The following ROBO2 variants were observed in gnomAD, a reference collection of about 807,000 sequenced individuals.
ROBO2 encodes the protein roundabout homolog 2.
Under a neutral mutation model 160.8 loss-of-function variants are expected in ROBO2, and 53 were observed. That is an observed-to-expected ratio of 0.33 (90% CI 0.26 to 0.41). The LOEUF (loss-of-function observed/expected upper bound fraction) is 0.41, where lower values mean the gene tolerates loss of function less well. Among genes scored for constraint, ROBO2 ranks in the 10% least tolerant of loss-of-function variants. The pLI, the probability that ROBO2 is intolerant of heterozygous loss-of-function variation, is 1.00. For missense variants in ROBO2, 1,577 were observed against 1,722.4 expected (o/e 0.92, Z 1.49); for synonymous variants, 664 against 611.7 (o/e 1.09, Z -1.26).
At chr3:75,974,314 A>G (rs1283131154) in intron 2 of ROBO2, among the ~76,000 whole-genome samples, 2 of 151,664 alleles carry the variant, frequency 1.3e-5, no homozygotes, top group African/African-American at 2.4e-5. Flanking sequence ...ATAAATTCAG[A>G]TAAGTATTAA....
chr3:76,004,923 ATCCAATGAAACACTGT>A (rs1430208312), intron 2 of ROBO2, among the ~76,000 whole-genome samples: 1 of 152,202 alleles, frequency 6.6e-6, no homozygotes, highest in Non-Finnish European at 1.5e-5. Flanking sequence ...TTGAAACATC[ATCCAATGAAACACTGT>A]TGGGAGGTGG....
chr3:77,204,435 T>C (rs2083220828), intron 2 of ROBO2, among the ~76,000 whole-genome samples: 1 of 152,234 alleles, frequency 6.6e-6, no homozygotes, highest in African/African-American at 2.4e-5. Context: ...CAGCTTTTTT[T>C]GTCCCTCAAC....
At chr3:77,331,694 C>CTTAT (rs34762129) in intron 2 of ROBO2, among the ~76,000 whole-genome samples, 84,758 of 150,132 alleles carry the variant, frequency 0.56, 25,998 homozygotes, top group Non-Finnish European at 0.7. Context: ...TATTTATTTA[C>CTTAT]TTATTTATTT....
intron 2 of ROBO2, among the ~76,000 whole-genome samples, chr3:76,418,047 T>C (rs956481297): frequency 2.0e-5 from 3 of 151,920 alleles, no homozygotes; most frequent in Admixed American, 2.0e-4. Context: ...AAAATAACCT[T>C]AACTTTGCTT....
chr3:77,169,211 A>G (rs1560153591), intron 2 of ROBO2, among the ~76,000 whole-genome samples: 1 of 152,216 alleles, frequency 6.6e-6, no homozygotes, highest in Non-Finnish European at 1.5e-5. Flanking sequence ...GCTGTTACAG[A>G]TAAAGTGATT....
At chr3:76,345,877 AC>A (rs1246811815) in intron 2 of ROBO2, among the ~76,000 whole-genome samples, 1 of 151,766 alleles carries the variant, frequency 6.6e-6, no homozygotes, top group African/African-American at 2.4e-5. Flanking sequence ...AGCGTACCAA[AC>A]TCCAAGTTTG....
Position 76,635,688 on chromosome 3 carries a change from TAGAG to T in ROBO2, c.110-462324_110-462321del, listed in dbSNP as rs147225038. 4.7e-4 allele frequency among the ~76,000 whole-genome samples: 71 copies of T among 152,364 alleles called. No homozygotes were observed. The East Asian group carries it at 0.01, about 22-fold the overall frequency. ...AAGCTACTTTTCATCTTCTATATGATAGAGATTTTCAAAACCTCCAATGCGAGTG... is the reference window on the plus strand; with the variant it reads ...AAGCTACTTTTCATCTTCTATATGATATTTTCAAAACCTCCAATGCGAGTG... On this transcript the variant is annotated intron_variant, in intron 2 of 26. Transcript: ENST00000487694.
At chr3:76,091,145 AG>A (rs1350284144) in intron 2 of ROBO2, among the ~76,000 whole-genome samples, 1 of 152,178 alleles carries the variant, frequency 6.6e-6, no homozygotes, top group Non-Finnish European at 1.5e-5. Context: ...CACCATGAAG[AG>A]GAGAAGATAA....
intron 2 of ROBO2, among the ~76,000 whole-genome samples, chr3:77,117,819 C>A (rs1392606641): frequency 3.3e-5 from 5 of 152,048 alleles, no homozygotes; most frequent in Admixed American, 6.6e-5. Context: ...TTCTGATGAG[C>A]CTACATTTAA....
At chr3:76,648,761 A>G (rs1007660768) in intron 2 of ROBO2, among the ~76,000 whole-genome samples, 1 of 152,166 alleles carries the variant, frequency 6.6e-6, no homozygotes. Context: ...GAAATATTTC[A>G]AAATTTAAAA....
intron 2 of ROBO2, among the ~76,000 whole-genome samples, chr3:76,271,161 TTGAA>T (rs1330684314): frequency 1.3e-5 from 2 of 151,960 alleles, no homozygotes; most frequent in Non-Finnish European, 2.9e-5. Context: ...AACCAATCAT[TTGAA>T]TACAAACAAA....
chr3:77,047,880 A>G (rs1349441314), intron 1 of ROBO2, among the ~76,000 whole-genome samples: 4 of 151,478 alleles, frequency 2.6e-5, no homozygotes, highest in Non-Finnish European at 5.9e-5. Context: ...TGTCTCTACT[A>G]AAAATACAAA....
chr3:76,199,819 C>T (rs1052845965), intron 2 of ROBO2, among the ~76,000 whole-genome samples: 2 of 152,156 alleles, frequency 1.3e-5, no homozygotes, highest in Admixed American at 6.6e-5. Flanking sequence ...CTGCCTACAG[C>T]TTCTCTATGC....
At chr3:76,810,317 G>T (rs913018556) in intron 2 of ROBO2, among the ~76,000 whole-genome samples, 4 of 152,048 alleles carry the variant, frequency 2.6e-5, no homozygotes, top group African/African-American at 9.7e-5. Context: ...CACCCAGTTC[G>T]CCAACCCAAA....
rs149640189 is a variant in ROBO2 at position 76,561,277 on chromosome 3, TAAAG to T, written c.110-536735_110-536732del. On this transcript the variant is annotated intron_variant, in intron 2 of 26. Coordinates refer to the ROBO2 transcript ENST00000487694. The stretch of plus-strand genomic sequence containing the variant: ...TACTCAATGAGAAATTAAATTTACT[TAAAG>T]AGAGGACGAGAGGAGGAAGCAGTCA... Among the ~76,000 whole-genome samples, 162 of 152,188 alleles carry T rather than the reference TAAAG, an allele frequency of 1.1e-3. 1 individual carries two copies. The East Asian group carries it at 0.011, about 10-fold the overall frequency.
At chr3:75,942,026 A>G (rs936353713) in intron 2 of ROBO2, among the ~76,000 whole-genome samples, 2 of 152,080 alleles carry the variant, frequency 1.3e-5, no homozygotes, top group African/African-American at 4.8e-5. Flanking sequence ...AGTGCATTTC[A>G]AAGTTACTTT....
At chr3:77,275,219 T>A (rs2059752236) in intron 2 of ROBO2, among the ~76,000 whole-genome samples, 1 of 152,188 alleles carries the variant, frequency 6.6e-6, no homozygotes, top group Non-Finnish European at 1.5e-5. Flanking sequence ...TTTGAAAATT[T>A]GTCCTGAAGA....
intron 17 of ROBO2, among the ~76,000 whole-genome samples, chr3:77,593,327 C>G (rs545714452): frequency 6.6e-6 from 1 of 151,670 alleles, no homozygotes; most frequent in Admixed American, 6.6e-5. Context: ...CTCCAGTGCT[C>G]AATTTTTTGC....
intron 2 of ROBO2, among the ~76,000 whole-genome samples, chr3:76,882,516 C>T (rs989435688): frequency 6.6e-6 from 1 of 151,956 alleles, no homozygotes. Context: ...CTTTTAAAAA[C>T]ACTTTTTTTT....
Sources: allele counts gnomAD v4.1 joint callset (sites outside exome capture counted in the v4.1 genomes callset), GRCh38; gene constraint gnomAD v4.1.1; transcripts MANE v1.5; gene names NCBI Gene and HGNC (gene_info 2026-07-23, HGNC 2026-07-21).